RBFOX3: variants seen among roughly 807,000 people sequenced by gnomAD.
RBFOX3 encodes the protein RNA binding protein fox-1 homolog 3.
In RBFOX3, 17 loss-of-function variants were observed where a neutral mutation model predicts 48.7. The observed-to-expected ratio is 0.35, with a 90% confidence interval of 0.24 to 0.52. RBFOX3 has a LOEUF of 0.52. Ranked by LOEUF, RBFOX3 falls within the 20% of genes least tolerant of loss-of-function variation. The pLI is 0.94. For missense variants in RBFOX3, 382 were observed against 497.5 expected, an observed-to-expected ratio of 0.77 and a Z score of 2.21; for synonymous variants, 212 against 209.5, an observed-to-expected ratio of 1.01 and a Z score of -0.10.
At chr17:79,408,320 G>A (rs1417178808) in intron 2 of RBFOX3, among the ~76,000 whole-genome samples, 1 of 152,090 alleles carries the variant, frequency 6.6e-6, no homozygotes, top group Non-Finnish European at 1.5e-5. Context: ...TGGGAGGGTC[G>A]GGCAGCCCCC....
intron 1 of RBFOX3, among the ~76,000 whole-genome samples, chr17:79,590,141 C>T (rs1011267619): frequency 1.9e-4 from 29 of 152,128 alleles, no homozygotes; most frequent in Admixed American, 1.0e-3. Flanking sequence ...CCCCACCCCC[C>T]AGGCCACACA....
At chr17:79,266,367 G>GAAGT (rs1423108895) in intron 3 of RBFOX3, among the ~76,000 whole-genome samples, 1 of 152,220 alleles carries the variant, frequency 6.6e-6, no homozygotes, top group Non-Finnish European at 1.5e-5. Context: ...TTTACCTGCT[G>GAAGT]AAGTCAGTGC....
intron 1 of RBFOX3, among the ~76,000 whole-genome samples, chr17:79,537,504 G>A (rs1318015037): frequency 2.0e-5 from 3 of 152,154 alleles, no homozygotes; most frequent in Non-Finnish European, 4.4e-5. Flanking sequence ...GCAACAGTGG[G>A]TGTCCCCTGC....
At chr17:79,415,220 C>T (rs2065135055) in intron 2 of RBFOX3, among the ~76,000 whole-genome samples, 1 of 152,226 alleles carries the variant, frequency 6.6e-6, no homozygotes, top group South Asian at 2.1e-4. Flanking sequence ...CTGGTAGAAT[C>T]TTTGTATTCG....
At chr17:79,660,713 T>C in the RBFOX3 span, among the ~76,000 whole-genome samples, 130,541 of 152,214 alleles carry the variant, frequency 0.86, 56,666 homozygotes, top group Non-Finnish European at 0.93. Flanking sequence ...AATAAGAAGA[T>C]GACGTGGTGA....
At chr17:79,531,875 C>T (rs2150088815) in intron 1 of RBFOX3, among the ~76,000 whole-genome samples, 1 of 152,368 alleles carries the variant, frequency 6.6e-6, no homozygotes, top group East Asian at 1.9e-4. Flanking sequence ...ATGCGTCCCT[C>T]ACAGCTGACC....
At chr17:79,231,976 T>C (rs1358725125) in intron 4 of RBFOX3, among the ~76,000 whole-genome samples, 1 of 152,130 alleles carries the variant, frequency 6.6e-6, no homozygotes, top group Admixed American at 6.5e-5. Flanking sequence ...CTCAAGAAAC[T>C]TACAATCAGG....
intron 4 of RBFOX3, among the ~76,000 whole-genome samples, chr17:79,123,133 C>T (rs951714300): frequency 3.9e-5 from 6 of 152,008 alleles, no homozygotes; most frequent in African/African-American, 1.5e-4. Context: ...ATGAATAAGA[C>T]CTACTATTTG....
At chr17:79,407,337 T>C (rs2063681689) in intron 2 of RBFOX3, among the ~76,000 whole-genome samples, 1 of 152,214 alleles carries the variant, frequency 6.6e-6, no homozygotes, top group African/African-American at 2.4e-5. Context: ...AAAGTAACAA[T>C]AGAAATCTCA....
At position 79,205,987 on chromosome 17, in the gene RBFOX3, G is replaced by T. The variant is rs1458950157; in HGVS notation, c.-34+29779C>A. 2.0e-5 allele frequency among the ~76,000 whole-genome samples: 3 copies of T among 152,130 alleles called. No homozygotes were observed. The East Asian group carries it at 5.8e-4, about 29-fold the overall frequency. On this transcript the variant is annotated intron_variant, in intron 4 of 14. Transcript: ENST00000693108. The surrounding 1 kb of genome is among the most constrained non-coding windows in gnomAD (Gnocchi z 4.5). The stretch of plus-strand genomic sequence containing the variant: ...ACCTTGGCCGTTGTGACATTCCAGA[G>T]AATATGCTCATCCGATACACTGAGG...
chr17:79,395,030 C>G (rs1167484872), intron 2 of RBFOX3, among the ~76,000 whole-genome samples: 1 of 152,242 alleles, frequency 6.6e-6, no homozygotes, highest in Non-Finnish European at 1.5e-5. Flanking sequence ...GATCAGCCAT[C>G]CCAGTGGTGG....
intron 1 of RBFOX3, among the ~76,000 whole-genome samples, chr17:79,487,905 CCA>C: frequency 7.5e-5 from 1 of 13,250 alleles, no homozygotes; most frequent in African/African-American, 1.3e-4. Flanking sequence ...GAGCAAGACC[CCA>C]TCTCAGAAAA....
In RBFOX3 at chr17:79,346,612, T is replaced by G. The variant is rs548208796; in HGVS notation, c.-174-38788A>C. Among the ~76,000 whole-genome samples, 3 of 152,334 alleles carry G rather than the reference T, an allele frequency of 2.0e-5. No homozygotes were observed. The South Asian group carries it at 6.2e-4, about 32-fold the overall frequency. On this transcript the variant is annotated intron_variant, in intron 2 of 14. Transcript: ENST00000693108. ...GTGTCTTAATCTTCTATATCGTCATTTGATGAGGCTCCAATTGGGAATTAA... is the reference window on the plus strand; with the variant it reads ...GTGTCTTAATCTTCTATATCGTCATGTGATGAGGCTCCAATTGGGAATTAA...
At chr17:79,402,972 G>A (rs535789019) in intron 2 of RBFOX3, among the ~76,000 whole-genome samples, 29 of 152,282 alleles carry the variant, frequency 1.9e-4, no homozygotes, top group Middle Eastern at 6.8e-3. Flanking sequence ...CATCAGGATC[G>A]CCATCAGATC....
At chr17:79,388,686 A>G (rs776634892) in intron 2 of RBFOX3, among the ~76,000 whole-genome samples, 1 of 152,142 alleles carries the variant, frequency 6.6e-6, no homozygotes, top group Non-Finnish European at 1.5e-5. Context: ...GAGGATGTCC[A>G]CGTCCCGGCC....
At position 79,263,336 on chromosome 17, in the gene RBFOX3, G is replaced by A. The variant is rs1381304089; in HGVS notation, c.-73-27531C>T. Among the ~76,000 whole-genome samples, 6 of 152,250 alleles carry A rather than the reference G, an allele frequency of 3.9e-5. No individual in the cohort carries two copies. The South Asian group carries it at 6.2e-4, about 16-fold the overall frequency. ...CTTTTAAGGAACAATCCAAGTGAAC[G>A]CTGGTATTTTACAGGCACTTTGTAA... On this transcript the variant is annotated intron_variant, in intron 3 of 14. Coordinates refer to ENST00000693108, the MANE Select transcript of RBFOX3 (RefSeq NM_001350451.2).
chr17:79,480,917 T>C lies in RBFOX3; in HGVS notation c.-175+1537A>G, dbSNP rs896004938. 3.9e-5 allele frequency among the ~76,000 whole-genome samples: 6 copies of C among 152,152 alleles called. No homozygotes were observed. The highest frequency in any genetic ancestry group is 7.4e-5 in the Non-Finnish European group (5 of 68,026). ...ATGAGGGCCAGAACTTGACCTTGTC[T>C]CCACTGCGTCTCCAGCACCCCAAAC... On this transcript the variant is annotated intron_variant, in intron 2 of 14. Coordinates refer to ENST00000693108, the MANE Select transcript of RBFOX3 (RefSeq NM_001350451.2). This position sits in a 1 kb window ranked among gnomAD's most constrained non-coding sequence, Gnocchi z 4.8.
chr17:79,461,330 T>C (rs8064799), intron 2 of RBFOX3, among the ~76,000 whole-genome samples: 4,721 of 152,332 alleles, frequency 0.031, 242 homozygotes, highest in African/African-American at 0.11. Flanking sequence ...TCTCTTCTCA[T>C]TCACATTCTT....
rs547248098 is a variant in RBFOX3 at position 79,443,199 on chromosome 17, G to A, written c.-175+39255C>T. Among the ~76,000 whole-genome samples, 2 of 152,322 alleles carry A rather than the reference G, an allele frequency of 1.3e-5. No homozygotes were observed. The highest frequency in any genetic ancestry group is 2.4e-5 in the African/African-American group (1 of 41,566). On this transcript the variant is annotated intron_variant, in intron 2 of 14. Transcript: ENST00000693108. This position sits in a 1 kb window ranked among gnomAD's most constrained non-coding sequence, Gnocchi z 4.4. ...GTCAGATCAGCCGAAGGGGCCCAGC[G>A]TCCAGTCCAATCCTGGGTGCTGCCA...
Sources: allele counts gnomAD v4.1 joint callset (sites outside exome capture counted in the v4.1 genomes callset), GRCh38; gene constraint gnomAD v4.1.1; non-coding constraint Gnocchi (gnomAD v3.1); transcripts MANE v1.5; gene names NCBI Gene and HGNC (gene_info 2026-07-23, HGNC 2026-07-21).